The following DGKB variants were observed in gnomAD, a reference collection of about 807,000 sequenced individuals.
The protein encoded by DGKB is 90 kDa diacylglycerol kinase.
In DGKB, 67 loss-of-function variants were observed where a neutral mutation model predicts 114.3. That is an observed-to-expected ratio of 0.59 (90% CI 0.48 to 0.72). The LOEUF is 0.72. Ranked by LOEUF, DGKB falls within the 30% of genes least tolerant of loss-of-function variation. The pLI is 0.00. For missense variants in DGKB, 907 were observed against 975.2 expected, an observed-to-expected ratio of 0.93 and a Z score of 0.93; for synonymous variants, 398 against 323.1, an observed-to-expected ratio of 1.23 and a Z score of -2.49.
At chr7:14,967,448 G>T (rs1787219467) in intron 1 of DGKB, among the ~76,000 whole-genome samples, 2 of 151,920 alleles carry the variant, frequency 1.3e-5, no homozygotes, top group East Asian at 3.9e-4. Flanking sequence ...AGCCTTCCAA[G>T]TAGCTGGGAT....
chr7:14,205,900 G>GAT (rs753394471), intron 23 of DGKB, among the ~76,000 whole-genome samples: 7 of 151,840 alleles, frequency 4.6e-5, no homozygotes, highest in Non-Finnish European at 7.4e-5. Flanking sequence ...CAAATAATAT[G>GAT]ATATATATAT....
At chr7:14,872,005 A>G (rs1852537931) in intron 1 of DGKB, among the ~76,000 whole-genome samples, 1 of 152,166 alleles carries the variant, frequency 6.6e-6, no homozygotes, top group African/African-American at 2.4e-5. Context: ...TTCAAGACAG[A>G]ACCGGGATTC....
At chr7:14,882,820 T>C (rs1400104093) in intron 1 of DGKB, among the ~76,000 whole-genome samples, 5 of 152,168 alleles carry the variant, frequency 3.3e-5, no homozygotes, top group Non-Finnish European at 7.4e-5. Flanking sequence ...TATGCCACAT[T>C]TTCTTTATCT....
chr7:14,438,317 C>T (rs915683569), intron 21 of DGKB, among the ~76,000 whole-genome samples: 1 of 152,064 alleles, frequency 6.6e-6, no homozygotes, highest in Non-Finnish European at 1.5e-5. Context: ...GAGAGCAAAG[C>T]TAGTCAGTTT....
intron 25 of DGKB, among the ~76,000 whole-genome samples, chr7:14,154,556 AC>A (rs1225645963): frequency 6.6e-6 from 1 of 152,002 alleles, no homozygotes; most frequent in Non-Finnish European, 1.5e-5. Flanking sequence ...GTTACCTGGT[AC>A]AAAAAAAGCA....
intron 20 of DGKB, among the ~76,000 whole-genome samples, chr7:14,493,695 TG>T (rs1356307993): frequency 6.6e-6 from 1 of 152,074 alleles, no homozygotes; most frequent in Non-Finnish European, 1.5e-5. Context: ...GATTTCATCA[TG>T]CTACTAGAAC....
intron 1 of DGKB, among the ~76,000 whole-genome samples, chr7:14,855,772 G>C (rs192608868): frequency 2.6e-5 from 4 of 151,922 alleles, no homozygotes. Context: ...TATTTGATGT[G>C]GATTAGATAG....
intron 1 of DGKB, among the ~76,000 whole-genome samples, chr7:14,935,125 G>C (rs183659522): frequency 6.6e-6 from 1 of 152,156 alleles, no homozygotes; most frequent in African/African-American, 2.4e-5. Flanking sequence ...GTTCTAATGA[G>C]ACCGCAAATG....
At chr7:14,658,180 C>T (rs940492958) in intron 13 of DGKB, among the ~76,000 whole-genome samples, 2 of 151,840 alleles carry the variant, frequency 1.3e-5, no homozygotes, top group Non-Finnish European at 2.9e-5. Flanking sequence ...TAGATTGCTG[C>T]TTCAGCAACA....
chr7:14,623,788 A>C (rs557290493), intron 14 of DGKB, among the ~76,000 whole-genome samples: 2 of 152,318 alleles, frequency 1.3e-5, no homozygotes, highest in East Asian at 3.9e-4. Context: ...TTTGCAAATT[A>C]TAATTTTATT....
At chr7:14,699,393 G>A (rs998897863) in intron 7 of DGKB, among the ~76,000 whole-genome samples, 1 of 152,008 alleles carries the variant, frequency 6.6e-6, no homozygotes, top group African/African-American at 2.4e-5. Context: ...TTGGTGGACT[G>A]TTACGTAGGC....
At chr7:14,359,644 A>G (rs2128626746) in intron 21 of DGKB, among the ~76,000 whole-genome samples, 1 of 152,354 alleles carries the variant, frequency 6.6e-6, no homozygotes, top group East Asian at 1.9e-4. Context: ...AACCCCATCA[A>G]AAAGTGGGCA....
At chr7:14,261,695 A>C (rs74492027) in intron 23 of DGKB, among the ~76,000 whole-genome samples, 4,199 of 152,298 alleles carry the variant, frequency 0.028, 81 homozygotes, top group Non-Finnish European at 0.046. Flanking sequence ...GGAAAGAAAC[A>C]AAAACATAGT....
chr7:14,151,830 A>G (rs1333588031), intron 25 of DGKB, among the ~76,000 whole-genome samples: 1 of 152,140 alleles, frequency 6.6e-6, no homozygotes, highest in Non-Finnish European at 1.5e-5. Flanking sequence ...GTAAATGCCT[A>G]TTATGAATGC....
At chr7:14,752,970 A>G (rs568535370) in intron 4 of DGKB, among the ~76,000 whole-genome samples, 62 of 152,302 alleles carry the variant, frequency 4.1e-4, no homozygotes, top group African/African-American at 1.3e-3. Context: ...GAAATCAGGA[A>G]AAGGCCATGC....
At chr7:14,391,850 C>T (rs138115168) in intron 21 of DGKB, among the ~76,000 whole-genome samples, 4 of 152,072 alleles carry the variant, frequency 2.6e-5, no homozygotes, top group Admixed American at 1.3e-4. Flanking sequence ...TCTAAAATTG[C>T]GTTGGAATGA....
intron 21 of DGKB, among the ~76,000 whole-genome samples, chr7:14,414,084 T>G (rs1041699455): frequency 6.6e-6 from 1 of 152,096 alleles, no homozygotes; most frequent in African/African-American, 2.4e-5. Context: ...AAAAGAAATA[T>G]TAAATAGATT....
chr7:14,770,090 C>A (rs540013246), intron 2 of DGKB, among the ~76,000 whole-genome samples: 1 of 152,118 alleles, frequency 6.6e-6, no homozygotes, highest in African/African-American at 2.4e-5. Flanking sequence ...TCAAACAAAC[C>A]TTCTCTGATG....
At chr7:14,822,259 T>G (rs1007307712) in intron 2 of DGKB, among the ~76,000 whole-genome samples, 4 of 152,090 alleles carry the variant, frequency 2.6e-5, no homozygotes, top group African/African-American at 4.8e-5. Context: ...TTGTCACACA[T>G]GTGATATTTA....
Sources: gnomAD v4.1 joint callset for allele counts (sites outside exome capture counted in the v4.1 genomes callset) on GRCh38, gnomAD v4.1.1 for gene constraint, MANE v1.5 for transcripts, NCBI Gene and HGNC (gene_info 2026-07-23, HGNC 2026-07-21) for gene names.